The following DCC variants were observed in gnomAD, a reference collection of about 807,000 sequenced individuals.
The protein encoded by DCC is netrin receptor DCC.
DCC carries 58 observed loss-of-function variants against 172.5 expected under a neutral mutation model. The observed-to-expected ratio is 0.34, with a 90% CI of 0.27 to 0.42. The LOEUF (loss-of-function observed/expected upper bound fraction) is 0.42. Among genes scored for constraint, DCC ranks in the 10% least tolerant of loss-of-function variants. DCC has a pLI of 1.00. For missense variants in DCC, 1,740 were observed against 1,791.0 expected (o/e 0.97, Z 0.51); for synonymous variants, 709 against 644.5 (o/e 1.10, Z -1.52).
chr18:53,356,855 C>G (rs2057884159), intron 15 of DCC, among the ~76,000 whole-genome samples: 1 of 152,190 alleles, frequency 6.6e-6, no homozygotes, highest in Non-Finnish European at 1.5e-5. Context: ...TTTAGGGAAA[C>G]TGCTAGGCTG....
At chr18:53,261,406 G>A (rs1471496676) in intron 12 of DCC, among the ~76,000 whole-genome samples, 1 of 152,190 alleles carries the variant, frequency 6.6e-6, no homozygotes, top group Non-Finnish European at 1.5e-5. Flanking sequence ...GGAGAGAAAT[G>A]CTGTCAGTGA....
chr18:52,624,671 T>C (rs2034540244), intron 1 of DCC, among the ~76,000 whole-genome samples: 2 of 152,214 alleles, frequency 1.3e-5, no homozygotes. Flanking sequence ...GTATTATTAA[T>C]GGTATTGTAG....
intron 1 of DCC, among the ~76,000 whole-genome samples, chr18:52,480,945 AAG>A (rs1555687512): frequency 4.6e-5 from 7 of 151,612 alleles, no homozygotes; most frequent in African/African-American, 1.7e-4. Flanking sequence ...TAAAATTACT[AAG>A]AGTAATTTAT....
chr18:52,455,265 A>G (rs12605065), intron 1 of DCC, among the ~76,000 whole-genome samples: 1,773 of 152,272 alleles, frequency 0.012, 61 homozygotes, highest in Admixed American at 0.067. Flanking sequence ...TAAATTCAAA[A>G]AGAATTTATT....
Position 53,486,938 on chromosome 18 carries a change from T to C in DCC, c.3878T>C (p.Phe1293Ser). The change falls in exon 26 of 29, where the codon TTC becomes TCC. Residue 1293 changes from phenylalanine to serine, a missense_variant. Transcript: ENST00000442544. Reference protein sequence around the residue: ...PFPTLSVDRGFGAGRSQSVSE... With the variant: ...PFPTLSVDRGSGAGRSQSVSE... ...CCAACACTCTCAGTGGACCGAGGTT[T>C]CGGAGCAGGAAGAAGTCAGTGTAAT... 6.2e-7 allele frequency: 1 copy of C among 1,614,206 alleles called. No homozygotes were observed.
At chr18:52,404,759 C>G (rs959918563) in intron 1 of DCC, among the ~76,000 whole-genome samples, 1 of 150,742 alleles carries the variant, frequency 6.6e-6, no homozygotes, top group Non-Finnish European at 1.5e-5. Context: ...TGCGCTGCAC[C>G]CACTAACTCG....
chr18:52,827,943 G>C (rs932634786), intron 2 of DCC, among the ~76,000 whole-genome samples: 58 of 152,158 alleles, frequency 3.8e-4, no homozygotes, highest in African/African-American at 1.3e-3. Flanking sequence ...GTTGTTCATT[G>C]AGTTGAAATT....
Position 53,535,226 on chromosome 18 carries a change from G to C in DCC, c.*4573G>C, listed in dbSNP as rs1182245725. The stretch of plus-strand genomic sequence containing the variant: ...TATTATTTAGAGTGGCTTCTTTTTG[G>C]ATAATTTATGATAAAAAGGGAGATC... On this transcript the variant is annotated 3_prime_UTR_variant, in exon 29 of 29. Coordinates refer to ENST00000442544, the MANE Select transcript of DCC (RefSeq NM_005215.4). The C allele has an allele frequency of 6.6e-6, 1 of 152,048 alleles. No homozygotes were observed. The highest frequency in any genetic ancestry group is 1.5e-5 in the Non-Finnish European group (1 of 68,000). The allele number at this position is 152,048 out of a possible 1,614,324, so 9.4% of individuals were successfully genotyped here. A position where few individuals can be genotyped will look rare whatever the true frequency, so the allele number is the denominator to read the frequency against.
At chr18:52,927,279 G>C (rs1404455276) in intron 5 of DCC, among the ~76,000 whole-genome samples, 1 of 148,518 alleles carries the variant, frequency 6.7e-6, no homozygotes. Context: ...ATACTTATAT[G>C]TGTGTATATA....
intron 1 of DCC, among the ~76,000 whole-genome samples, chr18:52,666,520 G>T (rs999104025): frequency 2.6e-5 from 4 of 152,122 alleles, no homozygotes; most frequent in African/African-American, 9.7e-5. Flanking sequence ...CAGAGAAACA[G>T]TCATTTAAAT....
At chr18:53,376,716 C>CT (rs557092205) in intron 15 of DCC, among the ~76,000 whole-genome samples, 125 of 152,320 alleles carry the variant, frequency 8.2e-4, no homozygotes, top group African/African-American at 2.5e-3. Context: ...CCAAGGCAGA[C>CT]AGTCATCTTT....
chr18:53,285,969 G>C (rs1467352296), intron 12 of DCC, among the ~76,000 whole-genome samples: 1 of 152,162 alleles, frequency 6.6e-6, no homozygotes, highest in Non-Finnish European at 1.5e-5. Flanking sequence ...GCTCCCATTT[G>C]GAATGGCTGC....
intron 1 of DCC, among the ~76,000 whole-genome samples, chr18:52,516,398 A>AT (rs1375031688): frequency 6.6e-6 from 1 of 152,240 alleles, no homozygotes; most frequent in African/African-American, 2.4e-5. Flanking sequence ...CTACTCAGCA[A>AT]TAAAAAGGAG....
intron 26 of DCC, among the ~76,000 whole-genome samples, chr18:53,495,299 G>A (rs1386599708): frequency 6.7e-6 from 1 of 148,980 alleles, no homozygotes; most frequent in Non-Finnish European, 1.5e-5. Context: ...GGCTGAGGCA[G>A]AGAATTGCTT....
chr18:53,068,122 C>T (rs1468421681), intron 7 of DCC, among the ~76,000 whole-genome samples: 1 of 152,150 alleles, frequency 6.6e-6, no homozygotes, highest in Non-Finnish European at 1.5e-5. Context: ...TCTTTTCCCT[C>T]CATTTGATGT....
At chr18:53,345,595 A>T (rs1456448801) in intron 15 of DCC, among the ~76,000 whole-genome samples, 1 of 152,216 alleles carries the variant, frequency 6.6e-6, no homozygotes, top group Non-Finnish European at 1.5e-5. Context: ...TGAAGTTCTT[A>T]TCCAATGTTA....
intron 25 of DCC, among the ~76,000 whole-genome samples, chr18:53,480,113 T>G (rs1161084650): frequency 6.6e-6 from 1 of 152,192 alleles, no homozygotes; most frequent in African/African-American, 2.4e-5. Context: ...AACTATTTCA[T>G]ATATCTGGGC....
intron 1 of DCC, among the ~76,000 whole-genome samples, chr18:52,388,646 A>G (rs890334874): frequency 1.3e-5 from 2 of 151,626 alleles, no homozygotes; most frequent in African/African-American, 4.8e-5. Context: ...ACTTTCTGTC[A>G]GCTTCCTGCA....
chr18:53,124,121 A>G (rs906048833), intron 7 of DCC, among the ~76,000 whole-genome samples: 2 of 152,082 alleles, frequency 1.3e-5, no homozygotes, highest in Admixed American at 6.6e-5. Flanking sequence ...TATTCCTGTA[A>G]TAACACTTTT....
Sources: allele counts gnomAD v4.1 joint callset (sites outside exome capture counted in the v4.1 genomes callset), GRCh38; gene constraint gnomAD v4.1.1; transcripts MANE v1.5; gene names NCBI Gene and HGNC (gene_info 2026-07-23, HGNC 2026-07-21).